Variants in FAM107B observed in about 807,000 individuals in gnomAD.
FAM107B encodes protein FAM107B.
Under a neutral mutation model 31.5 loss-of-function variants are expected in FAM107B, and 21 were observed. That is an observed-to-expected ratio of 0.67 (90% CI 0.47 to 0.96). FAM107B has a LOEUF of 0.96. Ranked by LOEUF, FAM107B falls within the 40% of genes least tolerant of loss-of-function variation. The pLI is 0.00. For synonymous variants in FAM107B, 157 were observed against 141.5 expected, an observed-to-expected ratio of 1.11 and a Z score of -0.78; for missense variants, 452 against 377.1, an observed-to-expected ratio of 1.20 and a Z score of -1.64.
chr10:14,576,488 T>C (rs891134682), intron 2 of FAM107B, among the ~76,000 whole-genome samples: 5 of 151,836 alleles, frequency 3.3e-5, no homozygotes, highest in African/African-American at 4.8e-5. Flanking sequence ...GATCACGCAA[T>C]TGCACTCCAG....
intron 1 of FAM107B, among the ~76,000 whole-genome samples, chr10:14,756,532 T>G (rs757915289): frequency 9.2e-5 from 14 of 152,192 alleles, no homozygotes; most frequent in Non-Finnish European, 1.6e-4. Context: ...AGCGAGGTTG[T>G]GGAGAAAAGG....
chr10:14,774,626 T>C lies in FAM107B; in HGVS notation c.38A>G (p.Lys13Arg). 2 of 1,614,110 alleles carry C rather than the reference T, an allele frequency of 1.2e-6. No homozygotes were observed. Among genetic ancestry groups the C allele is most frequent in the Non-Finnish European group, 1.7e-6 (2 of 1,179,982 alleles). ...TGGATGCATGCTTCTAGAGGGAGAC[T>C]TCAGTCTTTTGGTGAGTCTTGCTTT... ...TWKARLTKRLKSPSRSMHPFP... is the reference protein window; with the variant it reads ...TWKARLTKRLRSPSRSMHPFP... The change falls in exon 1 of 5, where the codon AAG (lysine) becomes AGG (arginine). Residue 13 changes from lysine (K) to arginine (R), a missense_variant. Physicochemically the swap from Lys to Arg is conservative, Grantham distance 26. Transcript: ENST00000181796.
chr10:14,702,382 T>C (rs1360328719), intron 1 of FAM107B, among the ~76,000 whole-genome samples: 2 of 152,192 alleles, frequency 1.3e-5, no homozygotes, highest in African/African-American at 4.8e-5. Flanking sequence ...TGAGACACAG[T>C]CTCACTTTAT....
intron 1 of FAM107B, among the ~76,000 whole-genome samples, chr10:14,721,154 T>C (rs1235137119): frequency 1.3e-5 from 2 of 152,228 alleles, no homozygotes; most frequent in East Asian, 3.8e-4. Flanking sequence ...TTCATCCATG[T>C]CCCTACAAAG....
At chr10:14,721,363 TA>T (rs1855909381) in intron 1 of FAM107B, among the ~76,000 whole-genome samples, 1 of 151,180 alleles carries the variant, frequency 6.6e-6, no homozygotes, top group African/African-American at 2.4e-5. Flanking sequence ...ATATACCCAG[TA>T]ATGGGATGGC....
chr10:14,695,570 C>G (rs1855246451), intron 1 of FAM107B, among the ~76,000 whole-genome samples: 1 of 152,070 alleles, frequency 6.6e-6, no homozygotes, highest in Admixed American at 6.6e-5. Context: ...TCTGTATGTT[C>G]CTTTGGGTAG....
chr10:14,573,337 T>C (rs1047689395), intron 2 of FAM107B, among the ~76,000 whole-genome samples: 2 of 152,152 alleles, frequency 1.3e-5, no homozygotes, highest in African/African-American at 4.8e-5. Context: ...CTTCCTCTTT[T>C]GCCCTTCCAC....
At chr10:14,656,981 A>T (rs1854076115) in intron 2 of FAM107B, among the ~76,000 whole-genome samples, 1 of 152,222 alleles carries the variant, frequency 6.6e-6, no homozygotes, top group Non-Finnish European at 1.5e-5. Flanking sequence ...GAGGTGTCCC[A>T]TGGGCATGTG....
rs140844878 is a variant in FAM107B at position 14,753,762 on chromosome 10, GAAGAA to G, written c.411+20486_411+20490del. Reference sequence around the variant, plus strand: ...AAATTTTACTGTTTCTCAAAGAAGAGAAGAAAATATGCTTAACATTTCCATTTTAG... The same window carrying G: ...AAATTTTACTGTTTCTCAAAGAAGAGAATATGCTTAACATTTCCATTTTAG... On this transcript the variant is annotated intron_variant, in intron 1 of 4. Coordinates refer to ENST00000181796, the MANE Select transcript of FAM107B (RefSeq NM_031453.4). Among the ~76,000 whole-genome samples the G allele has an allele frequency of 4.5e-3, 689 of 152,188 alleles. 3 individuals carry two copies. The highest frequency in any genetic ancestry group is 0.015 in the African/African-American group (642 of 41,534).
chr10:14,572,498 G>A, intron 2 of FAM107B: 2 of 676,680 alleles, frequency 3.0e-6, no homozygotes, highest in Non-Finnish European at 3.6e-6. Context: ...CCTGAGGCTG[G>A]GATTCATGGC....
At chr10:14,544,231 C>T (rs1848501429) in intron 2 of FAM107B, among the ~76,000 whole-genome samples, 1 of 152,186 alleles carries the variant, frequency 6.6e-6, no homozygotes, top group African/African-American at 2.4e-5. Flanking sequence ...GAACTAGCAG[C>T]AGTAGTCACC....
intron 4 of FAM107B, among the ~76,000 whole-genome samples, chr10:14,521,643 A>G (rs1845645800): frequency 6.6e-6 from 1 of 152,190 alleles, no homozygotes; most frequent in Non-Finnish European, 1.5e-5. Flanking sequence ...ATTCAGTGCC[A>G]TGTCCCTGTT....
At chr10:14,669,353 G>C (rs1303952245) in intron 1 of FAM107B, among the ~76,000 whole-genome samples, 2 of 127,020 alleles carry the variant, frequency 1.6e-5, no homozygotes, top group Non-Finnish European at 3.3e-5. Context: ...CTGGGCCACA[G>C]AGCGAGACTC....
chr10:14,530,205 T>C lies in FAM107B; in HGVS notation c.653+127A>G, dbSNP rs113055659. Reference sequence around the variant, plus strand: ...CCCGGTTCTAGGATGTGAGAAGGAATAAGAAAGCCTTAACAAAGTGCAAGA... The same window carrying C: ...CCCGGTTCTAGGATGTGAGAAGGAACAAGAAAGCCTTAACAAAGTGCAAGA... On this transcript the variant is annotated intron_variant, in intron 3 of 4. Transcript: ENST00000181796. 491 of 1,045,762 alleles carry C rather than the reference T, an allele frequency of 4.7e-4. 5 individuals are homozygous for C. In the African/African-American group the frequency reaches 6.7e-3, roughly 14 times the overall value. 64.8% of individuals were successfully genotyped at this position (1,045,762 alleles called of 1,614,324 possible). A position where few individuals can be genotyped will look rare whatever the true frequency, so the allele number is the denominator to read the frequency against.
intron 2 of FAM107B, among the ~76,000 whole-genome samples, chr10:14,566,922 C>A (rs775273386): frequency 6.6e-6 from 1 of 152,094 alleles, no homozygotes; most frequent in South Asian, 2.1e-4. Context: ...GAGGCCGAGG[C>A]GGGCAAAACA....
intron 2 of FAM107B, among the ~76,000 whole-genome samples, chr10:14,662,325 G>A (rs915253183): frequency 2.6e-5 from 4 of 151,238 alleles, no homozygotes; most frequent in Admixed American, 2.0e-4. Context: ...GACCAACCAC[G>A]CTGTGTAACT....
At chr10:14,677,430 G>A (rs893667103) in intron 1 of FAM107B, among the ~76,000 whole-genome samples, 5 of 152,072 alleles carry the variant, frequency 3.3e-5, no homozygotes, top group African/African-American at 1.2e-4. Flanking sequence ...GACCATCCTG[G>A]CTAACACACT....
At chr10:14,642,110 G>A (rs868560746) in intron 2 of FAM107B, among the ~76,000 whole-genome samples, 30 of 152,346 alleles carry the variant, frequency 2.0e-4, no homozygotes, top group African/African-American at 5.3e-4. Flanking sequence ...GGAGAACTCA[G>A]AAGAAAGAAA....
At chr10:14,673,245 G>C (rs1215658899) in intron 1 of FAM107B, among the ~76,000 whole-genome samples, 1 of 152,072 alleles carries the variant, frequency 6.6e-6, no homozygotes. Context: ...CTTCTATCTG[G>C]CTGTAATTTT....
Sources: gnomAD v4.1 joint callset for allele counts (sites outside exome capture counted in the v4.1 genomes callset) on GRCh38, gnomAD v4.1.1 for gene constraint, MANE v1.5 for transcripts, NCBI Gene and HGNC (gene_info 2026-07-23, HGNC 2026-07-21) for gene names.